AMPD3: variants seen among roughly 807,000 people sequenced by gnomAD.
AMPD3 encodes AMP deaminase 3.
A neutral mutation model predicts 82.3 loss-of-function variants in AMPD3; 57 were observed. The ratio of observed to expected loss-of-function variants is 0.69; its 90% CI spans 0.56 to 0.86. The LOEUF (loss-of-function observed/expected upper bound fraction) is 0.86, where lower values mean the gene tolerates loss of function less well. AMPD3 is among the 40% of genes least tolerant of loss of function. The probability of loss-of-function intolerance (pLI) is 0.00; values close to 1 mark genes in which losing one functional copy is unlikely to be tolerated. For synonymous variants in AMPD3, 381 were observed against 394.7 expected (o/e 0.97, Z 0.41); for missense variants, 870 against 1,003.8 (o/e 0.87, Z 1.80).
At chr11:10,492,192 G>A (rs1366516800) in intron 6 of AMPD3, among the ~76,000 whole-genome samples, 1 of 152,200 alleles carries the variant, frequency 6.6e-6, no homozygotes, top group Admixed American at 6.5e-5. Context: ...CTGCAAAGGT[G>A]CCTTCTGCAA....
At chr11:10,481,346 G>A in intron 3 of AMPD3, 1 of 714,328 alleles carries the variant, frequency 1.4e-6, no homozygotes, top group Non-Finnish European at 1.7e-6. Flanking sequence ...AACTGAAAAT[G>A]ACGGTGCTCA....
chr11:10,506,123 A>G lies in AMPD3; in HGVS notation c.*239A>G, dbSNP rs1359826111. 1.8e-6 allele frequency: 1 copy of G among 552,268 alleles called. No individual in the cohort carries two copies. Among genetic ancestry groups the G allele is most frequent in the South Asian group, 2.0e-5 (1 of 49,396 alleles). 34.2% of individuals were successfully genotyped at this position (552,268 alleles called of 1,614,324 possible). On this transcript the variant is annotated 3_prime_UTR_variant, in exon 15 of 15. Transcript: ENST00000396553. This position sits in a 1 kb window ranked among gnomAD's most constrained non-coding sequence, Gnocchi z 4.1. ...GGATCTGGGAGCTGAGCACTTGTCT[A>G]TACTTGTTCCTAATTTTCCAAGTAT...
Position 10,501,487 on chromosome 11 carries a change from C to T in AMPD3, c.1739C>T (p.Thr580Met), listed in dbSNP as rs750830023. The change falls in exon 12 of 15, where the codon ACG (threonine) becomes ATG (methionine). Residue 580 changes from threonine (T) to methionine (M), a missense_variant. Physicochemically the swap from Thr to Met is moderately conservative, Grantham distance 81. Transcript: ENST00000396553. ...TCTTACAGGGAGCGCGGCCTGAGCACGTTCCTGTTCCGGCCGCACTGTGGG... is the reference window on the plus strand; with the variant it reads ...TCTTACAGGGAGCGCGGCCTGAGCATGTTCCTGTTCCGGCCGCACTGTGGG... ...NNLRRERGLS[T>M]FLFRPHCGEA... The T allele has an allele frequency of 4.3e-5, 70 of 1,614,028 alleles. No homozygotes were observed. The Admixed American group carries it at 6.3e-4, about 15-fold the overall frequency.
chr11:10,496,583 A>G, intron 9 of AMPD3: 1 of 982,814 alleles, frequency 1.0e-6, no homozygotes, highest in Non-Finnish European at 1.2e-6. Flanking sequence ...GGCTTGAGAA[A>G]GTGCTCTGAT....
Position 10,504,569 on chromosome 11 carries a change from T to G in AMPD3, c.2037T>G (p.Tyr679Ter). The change falls in exon 14 of 15, where the codon TAT becomes TAG. Residue 679 changes from tyrosine to a stop codon, truncating the protein, a stop_gained. Coordinates refer to ENST00000396553, the MANE Select transcript of AMPD3 (RefSeq NM_001025389.2). LOFTEE classifies it high-confidence loss of function. ...TCTAGGAAGCACTTATGGAAGAATA[T>G]GCCATTGCAGCTCAAGTGTGGAAGC... ...HYTKEALMEE[Y>*]AIAAQVWKLS... The G allele has an allele frequency of 6.2e-7, 1 of 1,614,232 alleles. No individual in the cohort carries two copies. The highest frequency in any genetic ancestry group is 1.1e-5 in the South Asian group (1 of 91,090).
chr11:10,487,364 G>A lies in AMPD3; in HGVS notation c.939G>A (p.Lys313=). Residue 313 remains lysine, a splice_region_variant and synonymous_variant, in exon 6 of 15, where the codon AAG becomes AAA. Coordinates refer to ENST00000396553, the MANE Select transcript of AMPD3 (RefSeq NM_001025389.2). The stretch of plus-strand genomic sequence containing the variant: ...ACCGGGACTTCTATAACGTGAGAAA[G>A]GTGCGTTAGGGGCGAGTGTTCACAG... ...NPHRDFYNVR[K]VDTHIHAAAC... is the part of the protein sequence containing the mutation. 5 of 1,614,020 alleles carry A rather than the reference G, an allele frequency of 3.1e-6. No homozygotes were observed. The highest frequency in any genetic ancestry group is 4.2e-6 in the Non-Finnish European group (5 of 1,179,928).
intron 2 of AMPD3, chr11:10,473,476 A>T: frequency 1.0e-6 from 1 of 984,994 alleles, no homozygotes; most frequent in Non-Finnish European, 1.2e-6. Flanking sequence ...GGAAGGGAGG[A>T]TGGAGAAAGA....
At chr11:10,504,443 G>A in intron 13 of AMPD3, 106 bp from the exon 14 acceptor site, 1 of 1,216,196 alleles carries the variant, frequency 8.2e-7, no homozygotes, top group African/African-American at 1.5e-5. Context: ...CATTTAGTGA[G>A]GAAAAGTTAA....
chr11:10,493,481 G>T lies in AMPD3; in HGVS notation c.1072G>T (p.Val358Leu), dbSNP rs778510210. 1.2e-6 allele frequency: 2 copies of T among 1,614,220 alleles called. No individual in the cohort carries two copies. The highest frequency in any genetic ancestry group is 1.7e-6 in the Non-Finnish European group (2 of 1,180,040). The change falls in exon 7 of 15, where the codon GTG becomes TTG. Residue 358 changes from valine to leucine, a missense_variant. Val to Leu is a conservative substitution (Grantham distance 32, BLOSUM62 1). Transcript: ENST00000396553. ...GGGCCGGAAGATCACCCTGCGGCAG[G>T]TGTTTGACGGCCTGCACATGGACCC... Reference protein sequence around the residue: ...KRGRKITLRQVFDGLHMDPYD... With the variant: ...KRGRKITLRQLFDGLHMDPYD...
chr11:10,450,978 T>A, upstream of AMPD3: 1 of 1,553,530 alleles, frequency 6.4e-7, no homozygotes, highest in South Asian at 1.2e-5. Context: ...GCCCAGCGCG[T>A]CCCCTTTGCT....
At chr11:10,459,546 A>G (rs1339969931) in intron 1 of AMPD3, among the ~76,000 whole-genome samples, 2 of 152,182 alleles carry the variant, frequency 1.3e-5, no homozygotes, top group African/African-American at 4.8e-5. Flanking sequence ...GGACAGCAGC[A>G]GGGCTCTGTC....
chr11:10,460,161 G>A (rs1446988770), intron 1 of AMPD3, among the ~76,000 whole-genome samples: 2 of 150,206 alleles, frequency 1.3e-5, no homozygotes, highest in Admixed American at 6.7e-5. Flanking sequence ...GCAGTAGTAC[G>A]ATCATAACTC....
rs1220847262 is a variant in AMPD3, at chr11:10,478,793, A to C, written c.426+63A>C. ...GCAAAGGCCAGGGGCCCCATGGGCC[A>C]CAGGGTCGTGCCTCCCTCTGGAGCC... On this transcript the variant is annotated intron_variant, in intron 3 of 14. Coordinates refer to ENST00000396553, the MANE Select transcript of AMPD3 (RefSeq NM_001025389.2). The C allele has an allele frequency of 2.6e-6, 4 of 1,552,548 alleles. No homozygotes were observed. The East Asian group carries it at 9.0e-5, about 35-fold the overall frequency.
chr11:10,496,066 G>A (rs951926070), intron 9 of AMPD3: 81 of 275,292 alleles, frequency 2.9e-4, no homozygotes, highest in African/African-American at 1.6e-3. Context: ...ACAGGCACCC[G>A]CCACCACGTC....
chr11:10,502,927 C>T, intron 13 of AMPD3, 33 bp downstream of exon 13: 3 of 1,601,872 alleles, frequency 1.9e-6, no homozygotes, highest in Non-Finnish European at 2.6e-6. Context: ...AGTAGTGCTT[C>T]AGTAGGCACC....
At position 10,507,287 on chromosome 11, in the gene AMPD3, T is replaced by C. The variant is rs1278710698; in HGVS notation, c.*1403T>C. ...AATCCAGTTTCTGCCTGTGAACTTATTTGACTTTAGATTGTCTCATCTTGT... is the reference window on the plus strand; with the variant it reads ...AATCCAGTTTCTGCCTGTGAACTTACTTGACTTTAGATTGTCTCATCTTGT... On this transcript the variant is annotated 3_prime_UTR_variant, in exon 15 of 15. Coordinates refer to ENST00000396553, the MANE Select transcript of AMPD3 (RefSeq NM_001025389.2). The C allele has an allele frequency of 1.3e-5, 2 of 152,024 alleles. No individual in the cohort carries two copies. The highest frequency in any genetic ancestry group is 2.9e-5 in the Non-Finnish European group (2 of 68,014). The allele number at this position is 152,024 out of a possible 1,614,324, so 9.4% of individuals were successfully genotyped here. A position where few individuals can be genotyped will look rare whatever the true frequency, so the allele number is the denominator to read the frequency against.
intron 2 of AMPD3, 75 bp downstream of exon 2, chr11:10,461,815 T>G: frequency 3.5e-6 from 5 of 1,411,696 alleles, no homozygotes; most frequent in Non-Finnish European, 3.9e-6. Context: ...TGTGTCCTGA[T>G]ATGAGGCACC....
In AMPD3 at chr11:10,491,723, G is replaced by T. The variant is rs1291149262; in HGVS notation, c.940-1626G>T. 4.6e-5 allele frequency among the ~76,000 whole-genome samples: 7 copies of T among 152,218 alleles called. No individual in the cohort carries two copies. The South Asian group carries it at 1.4e-3, about 32-fold the overall frequency. ...GACTCCCAGTTTTTCAGCATGACCA[G>T]CTGGATTCAGGACACACCATTTCCT... On this transcript the variant is annotated intron_variant, in intron 6 of 14. Transcript: ENST00000396553.
At position 10,455,493 on chromosome 11, in the gene AMPD3, G is replaced by C. The variant is rs75168558; in HGVS notation, c.-6+45G>C. The C allele has an allele frequency of 1.1e-3, 1,013 of 954,408 alleles. 11 individuals carry two copies. In the African/African-American group the frequency reaches 0.015, roughly 14 times the overall value. 59.1% of individuals were successfully genotyped at this position (954,408 alleles called of 1,614,324 possible). A position where few individuals can be genotyped will look rare whatever the true frequency, so the allele number is the denominator to read the frequency against. On this transcript the variant is annotated intron_variant, in intron 1 of 14. Coordinates refer to ENST00000396553, the MANE Select transcript of AMPD3 (RefSeq NM_001025389.2). ...GGGTGGGCTCCGGTGGGTCAGTTGG[G>C]GTGTACTCCTTTTCTGTGTGTGTGG...
Sources: allele counts gnomAD v4.1 joint callset (sites outside exome capture counted in the v4.1 genomes callset), GRCh38; gene constraint gnomAD v4.1.1; non-coding constraint Gnocchi (gnomAD v3.1); transcripts MANE v1.5; gene names NCBI Gene and HGNC (gene_info 2026-07-23, HGNC 2026-07-21).